The following CCDC134 variants were observed in gnomAD, a reference collection of about 807,000 sequenced individuals.
The protein encoded by CCDC134 is coiled-coil domain-containing protein 134.
CCDC134 carries 27 observed loss-of-function variants against 25.6 expected under a neutral mutation model. The observed-to-expected ratio is 1.05, with a 90% confidence interval of 0.78 to 1.45. The LOEUF (loss-of-function observed/expected upper bound fraction) is 1.45. CCDC134 is among the 40% of genes most tolerant of loss of function. The pLI is 0.00. For synonymous variants in CCDC134, 110 were observed against 115.0 expected (o/e 0.96, Z 0.28); for missense variants, 261 against 286.7 (o/e 0.91, Z 0.65).
chr22:41,804,306 G>A (rs960443622), intron 1 of CCDC134, among the ~76,000 whole-genome samples: 13 of 152,168 alleles, frequency 8.5e-5, no homozygotes, highest in African/African-American at 3.1e-4. Context: ...CCATACATTA[G>A]GCACAAGGCT....
intron 6 of CCDC134, among the ~76,000 whole-genome samples, chr22:41,822,611 C>G (rs749552257): frequency 4.5e-4 from 68 of 152,312 alleles, no homozygotes; most frequent in African/African-American, 1.1e-3. Context: ...TGTTTCTCTT[C>G]TGACCCGGCT....
chr22:41,800,709 C>G lies in CCDC134; in HGVS notation c.-74C>G, dbSNP rs1039820486. ...CTTTGCTGTTAGCCTGTTGGACCTT[C>G]GAGCCTAGCTGCTCGCACAGGACTC... On this transcript the variant is annotated 5_prime_UTR_variant, in exon 1 of 7. Transcript: ENST00000255784. 1 of 152,370 alleles carries G rather than the reference C, an allele frequency of 6.6e-6. No homozygotes were observed. Among genetic ancestry groups the G allele is most frequent in the Admixed American group, 6.5e-5 (1 of 15,284 alleles). The allele number at this position is 152,370 out of a possible 1,614,324, so 9.4% of individuals were successfully genotyped here. A position where few individuals can be genotyped will look rare whatever the true frequency, so the allele number is the denominator to read the frequency against.
At chr22:41,808,313 C>T (rs1207883171) in intron 1 of CCDC134, among the ~76,000 whole-genome samples, 25 of 151,968 alleles carry the variant, frequency 1.6e-4, no homozygotes, top group Non-Finnish European at 4.4e-5. Context: ...GCCCTTTGTC[C>T]CTTCTTACTT....
chr22:41,808,108 C>T (rs1211804926), intron 1 of CCDC134, among the ~76,000 whole-genome samples: 1 of 151,424 alleles, frequency 6.6e-6, no homozygotes, highest in Non-Finnish European at 1.5e-5. Flanking sequence ...TGCAGTGAGC[C>T]GAGATTGCGC....
Position 41,825,576 on chromosome 22 carries a change from G to C in CCDC134, c.565-122G>C, listed in dbSNP as rs982132490. 7.8e-7 allele frequency: 1 copy of C among 1,289,494 alleles called. No homozygotes were observed. The highest frequency in any genetic ancestry group is 1.1e-6 in the Non-Finnish European group (1 of 933,046). 79.9% of individuals were successfully genotyped at this position (1,289,494 alleles called of 1,614,324 possible). On this transcript the variant is annotated intron_variant, in intron 6 of 6. Coordinates refer to ENST00000255784, the MANE Select transcript of CCDC134 (RefSeq NM_024821.5). The surrounding 1 kb of genome is among the most constrained non-coding windows in gnomAD (Gnocchi z 4.4). The stretch of plus-strand genomic sequence containing the variant: ...TCTCCCAAACCCATTTCCTGTCTCC[G>C]TGTCTGGGGCAGGGCCTGTGTCCAG...
intron 1 of CCDC134, among the ~76,000 whole-genome samples, chr22:41,807,542 GCA>G (rs1569353719): frequency 7.0e-6 from 1 of 143,868 alleles, no homozygotes; most frequent in Non-Finnish European, 1.5e-5. Flanking sequence ...AGCCTGGGCA[GCA>G]GAGCAGGACC....
rs2076690577 is a variant in CCDC134, at chr22:41,828,628, C to T, written c.*2805C>T. ...TATTGATTGTTATAGTCACTTGCTC[C>T]AGGAAGTCCACTTGCTGAGTCTTAC... On this transcript the variant is annotated 3_prime_UTR_variant, in exon 7 of 7. Transcript: ENST00000255784. 6.6e-6 allele frequency among the ~76,000 whole-genome samples: 1 copy of T among 152,178 alleles called. No homozygotes were observed. Among genetic ancestry groups the T allele is most frequent in the South Asian group, 2.1e-4 (1 of 4,826 alleles).
At chr22:41,807,423 A>G (rs1281741560) in intron 1 of CCDC134, among the ~76,000 whole-genome samples, 1 of 152,036 alleles carries the variant, frequency 6.6e-6, no homozygotes, top group Non-Finnish European at 1.5e-5. Context: ...ATAGCCGTGC[A>G]TGGCGGCATG....
Position 41,830,783 on chromosome 22 carries a change from T to C in CCDC134, c.*4960T>C, listed in dbSNP as rs1001536699. On this transcript the variant is annotated 3_prime_UTR_variant, in exon 7 of 7. Transcript: ENST00000255784. ...CTCCAAAAGTAAAATTCACCCCAAA[T>C]CTCACTACTCCTGTAACTATGTCTG... 1.3e-5 allele frequency among the ~76,000 whole-genome samples: 2 copies of C among 152,074 alleles called. No individual in the cohort carries two copies. The highest frequency in any genetic ancestry group is 2.1e-4 in the South Asian group (1 of 4,826).
intron 1 of CCDC134, among the ~76,000 whole-genome samples, chr22:41,807,047 C>CA (rs919104493): frequency 2.0e-5 from 3 of 151,960 alleles, no homozygotes; most frequent in Non-Finnish European, 4.4e-5. Context: ...GACTCCGTCT[C>CA]AAAAAAACAA....
chr22:41,819,663 T>A (rs1819172067), intron 6 of CCDC134, among the ~76,000 whole-genome samples: 1 of 151,848 alleles, frequency 6.6e-6, no homozygotes, highest in African/African-American at 2.4e-5. Flanking sequence ...GGCAGGGGAA[T>A]GTGGTTAAGG....
chr22:41,826,980 A>G lies in CCDC134; in HGVS notation c.*1157A>G, dbSNP rs924545540. Among the ~76,000 whole-genome samples the G allele has an allele frequency of 6.6e-6, 1 of 152,242 alleles. No individual in the cohort carries two copies. The highest frequency in any genetic ancestry group is 2.4e-5 in the African/African-American group (1 of 41,474). On this transcript the variant is annotated 3_prime_UTR_variant, in exon 7 of 7. Transcript: ENST00000255784. ...AGTGAGATCTGAGTGTTAGCCCTTC[A>G]GATTTGCTGACTGGCCTTGGCCCAC...
At chr22:41,813,664 G>A (rs1298672616) in intron 5 of CCDC134, 87 bp from the exon 6 acceptor site, 3 of 1,429,694 alleles carry the variant, frequency 2.1e-6, no homozygotes, top group Admixed American at 1.7e-5. Flanking sequence ...CAAGTCAGGA[G>A]TCTGGGTCCC....
chr22:41,802,264 C>T (rs1337643555), intron 1 of CCDC134, among the ~76,000 whole-genome samples: 3 of 152,200 alleles, frequency 2.0e-5, no homozygotes, highest in Non-Finnish European at 4.4e-5. Context: ...ATATTTCCCC[C>T]TTTTGGTCAA....
chr22:41,819,963 T>TATATATATATATATATATATATA (rs57794600), intron 6 of CCDC134, among the ~76,000 whole-genome samples: 3 of 82,614 alleles, frequency 3.6e-5, no homozygotes, highest in African/African-American at 6.1e-5. Context: ...ACTTACCACT[T>TATATATATATATATATATATATA]TATATATATA....
chr22:41,806,592 T>C lies in CCDC134; in HGVS notation c.-16-2283T>C, dbSNP rs148276385. On this transcript the variant is annotated intron_variant, in intron 1 of 6. Coordinates refer to ENST00000255784, the MANE Select transcript of CCDC134 (RefSeq NM_024821.5). Reference sequence around the variant, plus strand: ...AGGAAATTTGTCAATTTGTTATTTATGTGTCGCAAGCAATACAGAAGGTTA... The same window carrying C: ...AGGAAATTTGTCAATTTGTTATTTACGTGTCGCAAGCAATACAGAAGGTTA... Among the ~76,000 whole-genome samples the C allele has an allele frequency of 1.2e-3, 188 of 152,210 alleles. 1 individual carries two copies. Among genetic ancestry groups the C allele is most frequent in the African/African-American group, 4.3e-3 (180 of 41,550 alleles).
chr22:41,810,489 CTTTTTTT>C (rs960666358), intron 4 of CCDC134, among the ~76,000 whole-genome samples, 198 bp downstream of exon 4: 10 of 86,610 alleles, frequency 1.2e-4, no homozygotes, highest in East Asian at 3.5e-4. Context: ...AATAGCATTT[CTTTTTTT>C]TTTTTTTTTT....
chr22:41,826,299 C>T lies in CCDC134; in HGVS notation c.*476C>T, dbSNP rs1329908280. On this transcript the variant is annotated 3_prime_UTR_variant, in exon 7 of 7. Coordinates refer to ENST00000255784, the MANE Select transcript of CCDC134 (RefSeq NM_024821.5). The stretch of plus-strand genomic sequence containing the variant: ...AAAGCCAGCAGACCCTTTGGACCGA[C>T]CAAGGCTGGTGGGGACACTGTGAGG... The T allele has an allele frequency of 1.3e-5, 2 of 154,914 alleles. No homozygotes were observed. The highest frequency in any genetic ancestry group is 4.8e-5 in the African/African-American group (2 of 41,484). 9.6% of individuals were successfully genotyped at this position (154,914 alleles called of 1,614,324 possible). A position where few individuals can be genotyped will look rare whatever the true frequency, so the allele number is the denominator to read the frequency against.
At chr22:41,806,727 A>G (rs2076569284) in intron 1 of CCDC134, among the ~76,000 whole-genome samples, 1 of 152,114 alleles carries the variant, frequency 6.6e-6, no homozygotes, top group Non-Finnish European at 1.5e-5. Context: ...ATGAGTTTCC[A>G]TCATATTATA....
Sources: allele counts gnomAD v4.1 joint callset (sites outside exome capture counted in the v4.1 genomes callset), GRCh38; gene constraint gnomAD v4.1.1; non-coding constraint Gnocchi (gnomAD v3.1); transcripts MANE v1.5; gene names NCBI Gene and HGNC (gene_info 2026-07-23, HGNC 2026-07-21).